Variants in XPO7 observed in about 807,000 individuals in gnomAD.
XPO7 encodes the protein exportin-7.
A neutral mutation model predicts 144.3 loss-of-function variants in XPO7; 21 were observed. The observed-to-expected ratio is 0.15, with a 90% CI of 0.10 to 0.21. The LOEUF (loss-of-function observed/expected upper bound fraction) is 0.21, where lower values mean the gene tolerates loss of function less well. Ranked by LOEUF, XPO7 falls within the 10% of genes least tolerant of loss-of-function variation. The pLI, the probability that XPO7 is intolerant of heterozygous loss-of-function variation, is 1.00. For synonymous variants in XPO7, 580 were observed against 499.6 expected, an observed-to-expected ratio of 1.16 and a Z score of -2.15; for missense variants, 808 against 1,325.8, an observed-to-expected ratio of 0.61 and a Z score of 6.06.
intron 1 of XPO7, among the ~76,000 whole-genome samples, chr8:21,922,425 T>G (rs1810318620): frequency 6.6e-6 from 1 of 152,190 alleles, no homozygotes; most frequent in Non-Finnish European, 1.5e-5. Context: ...GGTTTCTTAC[T>G]CTTGGTCTTA....
At chr8:21,986,178 C>T (rs555360533) in intron 13 of XPO7, among the ~76,000 whole-genome samples, 1 of 149,046 alleles carries the variant, frequency 6.7e-6, no homozygotes, top group East Asian at 2.0e-4. Context: ...CGCTCTGTCA[C>T]CCAGGCCAGA....
intron 1 of XPO7, among the ~76,000 whole-genome samples, chr8:21,956,482 C>G (rs1811538600): frequency 6.6e-6 from 1 of 152,160 alleles, no homozygotes; most frequent in Admixed American, 6.5e-5. Flanking sequence ...GAAGTTATCT[C>G]AAATTATTTT....
intron 7 of XPO7, among the ~76,000 whole-genome samples, chr8:21,977,145 C>T (rs1216531809): frequency 6.6e-6 from 1 of 152,190 alleles, no homozygotes; most frequent in East Asian, 1.9e-4. Context: ...TCAAACACAA[C>T]AACTTGTTCT....
intron 1 of XPO7, among the ~76,000 whole-genome samples, chr8:21,941,024 G>A (rs1253737428): frequency 6.6e-6 from 1 of 152,140 alleles, no homozygotes; most frequent in African/African-American, 2.4e-5. Flanking sequence ...CTTGGTGTCT[G>A]TGGGGGATTG....
chr8:22,002,940 T>C (rs1813202790), intron 25 of XPO7: 2 of 251,170 alleles, frequency 8.0e-6, no homozygotes, highest in Non-Finnish European at 1.5e-5. Context: ...TTTGTTTACG[T>C]GACCCCATCC....
chr8:22,003,159 G>T (rs140597492), intron 25 of XPO7, 60 bp from the exon 26 acceptor site: 3 of 1,372,570 alleles, frequency 2.2e-6, no homozygotes, highest in Non-Finnish European at 3.0e-6. Flanking sequence ...GGAATCTGTC[G>T]TTTTATCTTG....
intron 4 of XPO7, among the ~76,000 whole-genome samples, chr8:21,971,502 A>G (rs1314134622): frequency 6.6e-6 from 1 of 152,180 alleles, no homozygotes; most frequent in Non-Finnish European, 1.5e-5. Flanking sequence ...TATCTTAACC[A>G]CACTTCCTCA....
At chr8:21,936,108 G>T (rs901532316) in intron 1 of XPO7, among the ~76,000 whole-genome samples, 1 of 152,110 alleles carries the variant, frequency 6.6e-6, no homozygotes, top group East Asian at 1.9e-4. Flanking sequence ...AATTCCTTTA[G>T]TTTCCAGTCT....
chr8:21,949,228 T>G (rs1479733440), intron 1 of XPO7, among the ~76,000 whole-genome samples: 1 of 152,238 alleles, frequency 6.6e-6, no homozygotes, highest in Non-Finnish European at 1.5e-5. Flanking sequence ...CCTGTGAAGT[T>G]TAATTTCTGC....
At chr8:22,001,360 A>C (rs148149859) in intron 24 of XPO7, among the ~76,000 whole-genome samples, 6 of 152,008 alleles carry the variant, frequency 3.9e-5, no homozygotes, top group African/African-American at 1.5e-4. Flanking sequence ...TGCATAAACT[A>C]TCAGTCCCGT....
chr8:21,999,565 T>C lies in XPO7; in HGVS notation c.2673T>C (p.Tyr891=). 3 of 1,614,020 alleles carry C rather than the reference T, an allele frequency of 1.9e-6. No individual in the cohort carries two copies. The highest frequency in any genetic ancestry group is 1.3e-5 in the African/African-American group (1 of 75,052). The change falls in exon 24 of 28, where the codon TAT becomes TAC. Residue 891 remains tyrosine (Y), a synonymous_variant. Coordinates refer to ENST00000252512, the MANE Select transcript of XPO7 (RefSeq NM_015024.5). ...LDYPKLSQSY[Y]SLLEVLTQDH... ...ACCCCAAGCTCAGCCAGTCTTATTA[T>C]TCACTACTGGAAGTCCTGACCCAGG...
At chr8:21,957,894 C>G (rs1271300319) in intron 1 of XPO7, among the ~76,000 whole-genome samples, 1 of 151,944 alleles carries the variant, frequency 6.6e-6, no homozygotes, top group Non-Finnish European at 1.5e-5. Flanking sequence ...TTTTTTCCCA[C>G]TGCCATGTTT....
At chr8:21,956,853 G>T (rs1811552838) in intron 1 of XPO7, among the ~76,000 whole-genome samples, 1 of 149,422 alleles carries the variant, frequency 6.7e-6, no homozygotes, top group South Asian at 2.1e-4. Context: ...GTTTTTACTT[G>T]TTCCAGATTG....
In XPO7 at chr8:22,005,122, T is replaced by A; in HGVS notation, c.*34T>A. The A allele has an allele frequency of 6.4e-7, 1 of 1,558,442 alleles. No individual in the cohort carries two copies. The highest frequency in any genetic ancestry group is 8.8e-7 in the Non-Finnish European group (1 of 1,140,496). On this transcript the variant is annotated 3_prime_UTR_variant, in exon 28 of 28. Transcript: ENST00000252512. ...TGGACTCTACCTGTACAGAGCAGCG[T>A]CCCTTTGGTTTGGCCCAGAGGGGCG... is the stretch of plus-strand genomic sequence containing the variant.
At chr8:21,999,703 G>C in intron 24 of XPO7, 29 bp downstream of exon 24, 3 of 1,613,010 alleles carry the variant, frequency 1.9e-6, no homozygotes, top group Non-Finnish European at 2.5e-6. Context: ...TGGGTGAGTT[G>C]GTGGGTTTGT....
intron 1 of XPO7, among the ~76,000 whole-genome samples, chr8:21,958,068 T>A (rs1488300728): frequency 1.3e-5 from 2 of 152,222 alleles, no homozygotes; most frequent in Non-Finnish European, 2.9e-5. Flanking sequence ...GAGACAGTTG[T>A]ACAGACATTA....
chr8:22,004,823 A>G (rs915318258), intron 27 of XPO7, among the ~76,000 whole-genome samples, 172 bp from the exon 28 acceptor site: 4 of 151,742 alleles, frequency 2.6e-5, no homozygotes, highest in Non-Finnish European at 2.9e-5. Context: ...ATTTGACCAG[A>G]TCTCTAAGCC....
chr8:21,987,382 T>C, intron 14 of XPO7, 106 bp downstream of exon 14: 2 of 1,464,002 alleles, frequency 1.4e-6, no homozygotes, highest in Non-Finnish European at 1.9e-6. Flanking sequence ...AGATTTCACG[T>C]AATAGGACAG....
intron 14 of XPO7, 45 bp from the exon 15 acceptor site, chr8:21,987,739 T>C: frequency 6.2e-7 from 1 of 1,602,602 alleles, no homozygotes; most frequent in Non-Finnish European, 8.5e-7. Context: ...AGGATGTGAT[T>C]GTTGTAATTC....
Sources: allele counts gnomAD v4.1 joint callset (sites outside exome capture counted in the v4.1 genomes callset), GRCh38; gene constraint gnomAD v4.1.1; transcripts MANE v1.5; gene names NCBI Gene and HGNC (gene_info 2026-07-23, HGNC 2026-07-21).